Variants in HK1 observed in about 807,000 individuals in gnomAD.
HK1 encodes the protein hexokinase 1, also known as hexokinase-1.
A neutral mutation model predicts 91.6 loss-of-function variants in HK1; 28 were observed. The observed-to-expected ratio is 0.31, with a 90% CI of 0.23 to 0.42. The LOEUF is 0.42. Among genes scored for constraint, HK1 ranks in the 10% least tolerant of loss-of-function variants. HK1 has a pLI of 1.00. For missense variants in HK1, 770 were observed against 1,219.8 expected (o/e 0.63, Z 5.49); for synonymous variants, 430 against 468.1 (o/e 0.92, Z 1.05).
intron 4 of HK1, 46 bp from the exon 5 acceptor site, chr10:69,368,490 G>A: frequency 1.3e-6 from 2 of 1,519,986 alleles, no homozygotes; most frequent in Non-Finnish European, 1.8e-6. Context: ...TTGGGGTGCT[G>A]GAGGCCTCCC....
intron 8 of HK1, among the ~76,000 whole-genome samples, chr10:69,378,062 T>G (rs1003337761): frequency 1.3e-5 from 2 of 152,154 alleles, no homozygotes; most frequent in African/African-American, 4.8e-5. Flanking sequence ...TTCTGCCAAA[T>G]CCATGTGCTG....
At chr10:69,276,116 A>AAATAT (rs1564746789) in intron 1 of HK1, among the ~76,000 whole-genome samples, 1 of 42,558 alleles carries the variant, frequency 2.3e-5, no homozygotes, top group African/African-American at 7.1e-5. Flanking sequence ...AAAAAAAAAA[A>AAATAT]AAATACATAT....
At chr10:69,339,176 C>T (rs1410615926) in intron 1 of HK1, among the ~76,000 whole-genome samples, 1 of 152,196 alleles carries the variant, frequency 6.6e-6, no homozygotes. Context: ...TCTCCAGTGC[C>T]TCCGGGCCAC....
intron 2 of HK1, 64 bp from the exon 3 acceptor site, chr10:69,359,833 G>A (rs560667230): frequency 4.7e-6 from 7 of 1,503,784 alleles, no homozygotes; most frequent in Non-Finnish European, 6.5e-6. Flanking sequence ...CAGGAAGCGG[G>A]CATGGTATGT....
chr10:69,288,226 G>A (rs532118777), intron 2 of HK1, among the ~76,000 whole-genome samples: 61 of 152,188 alleles, frequency 4.0e-4, no homozygotes, highest in Non-Finnish European at 6.3e-4. Context: ...TCTTTCTTTG[G>A]ACATAGTCAT....
chr10:69,276,090 C>CA (rs60324656), intron 1 of HK1, among the ~76,000 whole-genome samples: 433 of 15,922 alleles, frequency 0.027, 75 homozygotes, highest in Non-Finnish European at 0.033. Context: ...AACTCCTTTT[C>CA]AAAAAAAAAA....
chr10:69,274,381 T>G (rs1056058667), intron 1 of HK1, among the ~76,000 whole-genome samples: 51 of 152,166 alleles, frequency 3.4e-4, no homozygotes, highest in Admixed American at 3.3e-4. Context: ...GTAGATCACC[T>G]GAGGTCAGGA....
intron 2 of HK1, among the ~76,000 whole-genome samples, chr10:69,355,444 T>C (rs1849081226): frequency 6.6e-6 from 1 of 152,246 alleles, no homozygotes; most frequent in African/African-American, 2.4e-5. Context: ...CATGTGGTAC[T>C]GGCATGAAGG....
At chr10:69,395,244 C>T in intron 16 of HK1, 139 bp downstream of exon 16, 1 of 726,152 alleles carries the variant, frequency 1.4e-6, no homozygotes, top group Non-Finnish European at 2.4e-6. Context: ...ATAGCAGACC[C>T]TGGGCATTTG....
rs1017814304 is a variant in HK1, at chr10:69,364,086, C to T, written c.376-697C>T. 3.3e-5 allele frequency among the ~76,000 whole-genome samples: 5 copies of T among 152,258 alleles called. No individual in the cohort carries two copies. In the East Asian group the frequency reaches 5.8e-4, roughly 18 times the overall value. On this transcript the variant is annotated intron_variant, in intron 3 of 17. Coordinates refer to ENST00000359426, the MANE Select transcript of HK1 (RefSeq NM_000188.3). ...AGATGTAACTGAGGGTGATAGACGT[C>T]GGGGTGGCTGGCAGTTGCCCTTGGG... is the stretch of plus-strand genomic sequence containing the variant.
intron 1 of HK1, chr10:69,338,729 G>A (rs1391025945): frequency 2.4e-6 from 3 of 1,256,622 alleles, no homozygotes; most frequent in East Asian, 5.7e-5. Context: ...GTGTGTGTAT[G>A]TGTGAGTGTG....
intron 2 of HK1, among the ~76,000 whole-genome samples, chr10:69,352,633 TA>T (rs1187457417): frequency 4.6e-5 from 7 of 152,198 alleles, no homozygotes; most frequent in Non-Finnish European, 7.3e-5. Context: ...GACCTAATAT[TA>T]TACAATTCCA....
At chr10:69,271,766 T>C (rs2132396308) in intron 1 of HK1, among the ~76,000 whole-genome samples, 1 of 152,262 alleles carries the variant, frequency 6.6e-6, no homozygotes, top group South Asian at 2.1e-4. Context: ...CATGAGCCAC[T>C]GCACCCGGCC....
intron 14 of HK1, among the ~76,000 whole-genome samples, chr10:69,389,607 C>T (rs549106303): frequency 5.3e-5 from 8 of 149,598 alleles, no homozygotes; most frequent in South Asian, 2.2e-4. Flanking sequence ...GTACCTGGAG[C>T]GGGCCTGGCA....
chr10:69,336,211 G>A (rs1358216076), intron 1 of HK1, among the ~76,000 whole-genome samples: 3 of 152,130 alleles, frequency 2.0e-5, no homozygotes, highest in African/African-American at 4.8e-5. Flanking sequence ...GTTTTTTTGA[G>A]ATGGAGTTTC....
chr10:69,351,596 G>A (rs72807718), intron 2 of HK1, among the ~76,000 whole-genome samples: 4,763 of 152,282 alleles, frequency 0.031, 125 homozygotes, highest in African/African-American at 0.06. Flanking sequence ...CAGAAAAGAA[G>A]TGTAGCCATT....
intron 1 of HK1, among the ~76,000 whole-genome samples, chr10:69,281,037 C>T (rs930566946): frequency 6.6e-6 from 1 of 152,162 alleles, no homozygotes; most frequent in African/African-American, 2.4e-5. Flanking sequence ...CTCAAAATAT[C>T]GTTTATGACT....
At chr10:69,313,383 C>A (rs907238120), upstream of HK1, among the ~76,000 whole-genome samples, 4 of 152,174 alleles carry the variant, frequency 2.6e-5, no homozygotes, top group Admixed American at 2.0e-4. Flanking sequence ...ATGATGACCA[C>A]GTTGCCACAG....
At chr10:69,278,255 A>T (rs1844562578) in intron 1 of HK1, among the ~76,000 whole-genome samples, 3 of 152,194 alleles carry the variant, frequency 2.0e-5, no homozygotes, top group Non-Finnish European at 4.4e-5. Flanking sequence ...GCTGTAAAGC[A>T]CTCACTGCTT....
Sources: gnomAD v4.1 joint callset for allele counts (sites outside exome capture counted in the v4.1 genomes callset) on GRCh38, gnomAD v4.1.1 for gene constraint, MANE v1.5 for transcripts, NCBI Gene and HGNC (gene_info 2026-07-23, HGNC 2026-07-21) for gene names.